Variants in EXOC4 observed in about 807,000 individuals in gnomAD.
EXOC4 encodes the protein exocyst complex component 4.
A neutral mutation model predicts 107.2 loss-of-function variants in EXOC4; 71 were observed. The observed-to-expected ratio is 0.66, with a 90% CI of 0.55 to 0.81. EXOC4 has a LOEUF of 0.81. EXOC4 is among the 30% of genes least tolerant of loss of function. EXOC4 has a pLI of 0.00. For missense variants in EXOC4, 1,108 were observed against 1,189.6 expected (o/e 0.93, Z 1.01); for synonymous variants, 456 against 441.2 (o/e 1.03, Z -0.42).
At chr7:133,527,082 C>G (rs1800094216) in intron 9 of EXOC4, among the ~76,000 whole-genome samples, 2 of 152,116 alleles carry the variant, frequency 1.3e-5, no homozygotes, top group African/African-American at 4.8e-5. Context: ...CTGGATTTTT[C>G]TTACATCAAA....
At chr7:134,003,742 G>A (rs192281468) in intron 15 of EXOC4, among the ~76,000 whole-genome samples, 95 of 151,492 alleles carry the variant, frequency 6.3e-4, no homozygotes, top group African/African-American at 2.1e-3. Flanking sequence ...ATTGGTTTGG[G>A]ATTTTTTTTT....
chr7:133,267,074 C>T (rs1793747535), intron 1 of EXOC4, among the ~76,000 whole-genome samples: 1 of 152,144 alleles, frequency 6.6e-6, no homozygotes. Flanking sequence ...GTCCCACTTT[C>T]TCATTTGTAT....
chr7:133,547,745 G>A (rs1800510636), intron 9 of EXOC4, among the ~76,000 whole-genome samples: 1 of 152,022 alleles, frequency 6.6e-6, no homozygotes, highest in South Asian at 2.1e-4. Flanking sequence ...TGAGATTGTA[G>A]CAATTTCATC....
Position 133,549,239 on chromosome 7 carries a change from G to A in EXOC4, c.1417+69101G>A, listed in dbSNP as rs534863730. On this transcript the variant is annotated intron_variant, in intron 9 of 17. Transcript: ENST00000253861. ...ACCCCTGCCCTCAAGTGATCTGCCCGCCTTGGCCTCCCAAAGTGCTGGGAT... is the reference window on the plus strand; with the variant it reads ...ACCCCTGCCCTCAAGTGATCTGCCCACCTTGGCCTCCCAAAGTGCTGGGAT... 2.2e-4 allele frequency among the ~76,000 whole-genome samples: 34 copies of A among 152,206 alleles called. 1 individual carries two copies. The highest frequency in any genetic ancestry group is 8.2e-4 in the African/African-American group (34 of 41,528).
chr7:133,941,023 T>TTA (rs1319571071), intron 14 of EXOC4, among the ~76,000 whole-genome samples: 1 of 151,786 alleles, frequency 6.6e-6, no homozygotes, highest in Non-Finnish European at 1.5e-5. Context: ...CTTTCTTTTT[T>TTA]TCTTTTTTTT....
chr7:133,537,189 C>T (rs1033563354), intron 9 of EXOC4, among the ~76,000 whole-genome samples: 1 of 151,610 alleles, frequency 6.6e-6, no homozygotes, highest in Non-Finnish European at 1.5e-5. Context: ...CTCACTCTGT[C>T]GCCCAAGCTG....
intron 7 of EXOC4, among the ~76,000 whole-genome samples, chr7:133,443,470 C>A (rs1798149771): frequency 6.6e-6 from 1 of 151,988 alleles, no homozygotes; most frequent in Admixed American, 6.6e-5. Flanking sequence ...AATAGTTGTC[C>A]CTGAGTCTAT....
intron 9 of EXOC4, among the ~76,000 whole-genome samples, chr7:133,484,577 A>T (rs1450281666): frequency 6.6e-6 from 1 of 152,074 alleles, no homozygotes; most frequent in Non-Finnish European, 1.5e-5. Context: ...AAAGACTACC[A>T]CTCATGACCA....
intron 9 of EXOC4, among the ~76,000 whole-genome samples, chr7:133,506,113 A>C (rs62469965): frequency 0.077 from 11,792 of 152,176 alleles, 615 homozygotes; most frequent in Middle Eastern, 0.13. Context: ...CTTATTTGTT[A>C]GTTGTATTAT....
intron 7 of EXOC4, among the ~76,000 whole-genome samples, chr7:133,419,143 G>A (rs73724581): frequency 0.068 from 10,303 of 152,144 alleles, 1,175 homozygotes; most frequent in African/African-American, 0.23. Flanking sequence ...AGGTAGAAGT[G>A]GAGAGATGGT....
At chr7:133,879,939 C>G (rs1798930428) in intron 11 of EXOC4, among the ~76,000 whole-genome samples, 1 of 152,156 alleles carries the variant, frequency 6.6e-6, no homozygotes, top group African/African-American at 2.4e-5. Context: ...AGCTGGCACC[C>G]CCATCCATTC....
rs186574397 is a variant in EXOC4, at chr7:133,994,228, T to C, written c.2207-3264T>C. ...GAACATGCAGTGTTTGGTTTTATGTTGCTGTGTTAGTTTGCTGAGGATGAT... is the reference window on the plus strand; with the variant it reads ...GAACATGCAGTGTTTGGTTTTATGTCGCTGTGTTAGTTTGCTGAGGATGAT... On this transcript the variant is annotated intron_variant, in intron 14 of 17. Transcript: ENST00000253861. Among the ~76,000 whole-genome samples the C allele has an allele frequency of 1.4e-4, 21 of 152,328 alleles. No individual in the cohort carries two copies. In the East Asian group the frequency reaches 4.0e-3, roughly 29 times the overall value.
chr7:133,909,919 A>ATT (rs764890539), intron 12 of EXOC4, among the ~76,000 whole-genome samples: 3,127 of 75,090 alleles, frequency 0.042, 52 homozygotes, highest in African/African-American at 0.089. Context: ...GTTGAGACAG[A>ATT]TTTTTTTTTT....
chr7:133,928,951 G>C (rs1224900856), intron 13 of EXOC4, among the ~76,000 whole-genome samples: 1 of 28,460 alleles, frequency 3.5e-5, no homozygotes, highest in South Asian at 8.9e-4. Context: ...TTTTTTTTTT[G>C]AGACGGAGTC....
intron 17 of EXOC4, among the ~76,000 whole-genome samples, chr7:134,051,498 CT>C (rs1347708856): frequency 2.0e-5 from 3 of 151,936 alleles, no homozygotes; most frequent in Non-Finnish European, 4.4e-5. Context: ...TGGTGAAACC[CT>C]GTCTCTACTA....
chr7:133,876,884 C>T (rs977558234), intron 11 of EXOC4, among the ~76,000 whole-genome samples: 1 of 151,600 alleles, frequency 6.6e-6, no homozygotes, highest in Non-Finnish European at 1.5e-5. Context: ...TTCAGCAATT[C>T]GATTATTTGT....
At chr7:133,334,219 C>A (rs188978858) in intron 5 of EXOC4, among the ~76,000 whole-genome samples, 10 of 152,254 alleles carry the variant, frequency 6.6e-5, no homozygotes, top group Admixed American at 6.5e-4. Flanking sequence ...TGTCACTTTT[C>A]CATCTCTATC....
intron 9 of EXOC4, among the ~76,000 whole-genome samples, chr7:133,565,493 G>C (rs1053790094): frequency 6.6e-6 from 1 of 152,106 alleles, no homozygotes; most frequent in African/African-American, 2.4e-5. Context: ...TTGAGGACTC[G>C]TTAAAACACA....
At chr7:133,774,389 T>C (rs1267083484) in intron 10 of EXOC4, among the ~76,000 whole-genome samples, 3 of 152,106 alleles carry the variant, frequency 2.0e-5, no homozygotes, top group African/African-American at 7.2e-5. Context: ...AATAAAGATG[T>C]TGAAAAAAAG....
Sources: gnomAD v4.1 joint callset for allele counts (sites outside exome capture counted in the v4.1 genomes callset) on GRCh38, gnomAD v4.1.1 for gene constraint, MANE v1.5 for transcripts, NCBI Gene and HGNC (gene_info 2026-07-23, HGNC 2026-07-21) for gene names.